The following ARHGAP20 variants were observed in gnomAD, a reference collection of about 807,000 sequenced individuals.
ARHGAP20 encodes the protein rho GTPase-activating protein 20.
ARHGAP20 carries 34 observed loss-of-function variants against 73.7 expected under a neutral mutation model. The observed-to-expected ratio is 0.46, with a 90% CI of 0.35 to 0.61. The LOEUF (loss-of-function observed/expected upper bound fraction) is 0.61. Ranked by LOEUF, ARHGAP20 falls within the 20% of genes least tolerant of loss-of-function variation. The pLI is 0.00. For synonymous variants in ARHGAP20, 523 were observed against 518.2 expected, an observed-to-expected ratio of 1.01 and a Z score of -0.13; for missense variants, 1,314 against 1,420.9, an observed-to-expected ratio of 0.92 and a Z score of 1.21.
At chr11:110,711,864 G>A in intron 1 of ARHGAP20, 2 of 1,317,102 alleles carry the variant, frequency 1.5e-6, no homozygotes. Context: ...GGCGGATGGA[G>A]ACGGGAGGGA....
rs1231766170 is a variant in ARHGAP20, at chr11:110,578,136, G to A, written c.*1234C>T. On this transcript the variant is annotated 3_prime_UTR_variant, in exon 15 of 15. Transcript: ENST00000683387. ...CGAGATGTACTGCTGCAACCTTTAA[G>A]TCAAGAAAGCAGAGAAAGAAAGGTC... 4.1e-6 allele frequency: 4 copies of A among 985,286 alleles called. No homozygotes were observed. Among genetic ancestry groups the A allele is most frequent in the Non-Finnish European group, 4.8e-6 (4 of 829,950 alleles). The allele number at this position is 985,286 out of a possible 1,614,324, so 61.0% of individuals were successfully genotyped here. A position where few individuals can be genotyped will look rare whatever the true frequency, so the allele number is the denominator to read the frequency against.
Position 110,585,306 on chromosome 11 carries a change from G to C in ARHGAP20, c.1415+910C>G, listed in dbSNP as rs191144554. Among the ~76,000 whole-genome samples, 294 of 151,384 alleles carry C rather than the reference G, an allele frequency of 1.9e-3. 2 individuals are homozygous for C. Among genetic ancestry groups the C allele is most frequent in the Non-Finnish European group, 2.8e-3 (189 of 67,606 alleles). On this transcript the variant is annotated intron_variant, in intron 12 of 14. Transcript: ENST00000683387. ...CTTTTTCCAAAAAAATCCTTTAACA[G>C]CTTATAGGATATATAGCAACACAGT...
chr11:110,604,702 C>G (rs1446332535), intron 9 of ARHGAP20, among the ~76,000 whole-genome samples: 1 of 152,016 alleles, frequency 6.6e-6, no homozygotes, highest in Non-Finnish European at 1.5e-5. Context: ...TTTTAGAGTC[C>G]AAAACCTCAA....
chr11:110,655,410 A>G (rs1949443624), intron 2 of ARHGAP20, among the ~76,000 whole-genome samples: 1 of 152,204 alleles, frequency 6.6e-6, no homozygotes, highest in South Asian at 2.1e-4. Context: ...AGGAAGCATG[A>G]GAGACCTATA....
intron 2 of ARHGAP20, among the ~76,000 whole-genome samples, chr11:110,685,607 T>G (rs1950118500): frequency 6.6e-6 from 1 of 152,182 alleles, no homozygotes; most frequent in South Asian, 2.1e-4. Context: ...ACTCATCAGT[T>G]AATTTAAATA....
At chr11:110,614,900 A>G (rs978338555) in intron 5 of ARHGAP20, among the ~76,000 whole-genome samples, 2 of 152,206 alleles carry the variant, frequency 1.3e-5, no homozygotes, top group African/African-American at 4.8e-5. Flanking sequence ...AAGCACAATC[A>G]GGTTAGGGCA....
chr11:110,666,498 CA>C (rs1475489664), intron 2 of ARHGAP20, among the ~76,000 whole-genome samples: 3 of 152,168 alleles, frequency 2.0e-5, no homozygotes, highest in Admixed American at 2.0e-4. Flanking sequence ...GCATGAAGAA[CA>C]GCACAGAATC....
At chr11:110,638,097 T>A (rs1405560933) in intron 2 of ARHGAP20, among the ~76,000 whole-genome samples, 2 of 151,910 alleles carry the variant, frequency 1.3e-5, no homozygotes, top group Non-Finnish European at 2.9e-5. Context: ...AATCTGAAAA[T>A]CCAAAATACA....
intron 4 of ARHGAP20, among the ~76,000 whole-genome samples, 170 bp downstream of exon 4, chr11:110,623,992 G>A (rs1486357059): frequency 6.6e-6 from 1 of 152,214 alleles, no homozygotes; most frequent in Admixed American, 6.5e-5. Context: ...AAGTATTTTG[G>A]TTGGGTGTAT....
intron 14 of ARHGAP20, 105 bp from the exon 15 acceptor site, chr11:110,581,330 C>A: frequency 8.4e-7 from 1 of 1,197,186 alleles, no homozygotes. Context: ...CAAATTCCTA[C>A]TCTCAAGAAA....
intron 9 of ARHGAP20, among the ~76,000 whole-genome samples, chr11:110,602,730 T>C (rs113502919): frequency 3.4e-4 from 52 of 152,264 alleles, no homozygotes; most frequent in African/African-American, 1.2e-3. Flanking sequence ...ATATCAATAG[T>C]AAACTAAAAA....
intron 12 of ARHGAP20, among the ~76,000 whole-genome samples, chr11:110,584,950 T>TGTG (rs1488822749): frequency 1.2e-4 from 10 of 86,244 alleles, no homozygotes; most frequent in African/African-American, 9.7e-5. Flanking sequence ...TATATGAATA[T>TGTG]ATGAATATAT....
intron 9 of ARHGAP20, among the ~76,000 whole-genome samples, chr11:110,601,212 G>A (rs1324721617): frequency 6.6e-6 from 1 of 152,130 alleles, no homozygotes; most frequent in Non-Finnish European, 1.5e-5. Context: ...TAAATATACA[G>A]GCCACAAACA....
chr11:110,626,939 A>G (rs1222214763), intron 3 of ARHGAP20, among the ~76,000 whole-genome samples: 1 of 152,090 alleles, frequency 6.6e-6, no homozygotes, highest in East Asian at 1.9e-4. Context: ...TCCACTTTCA[A>G]TTTCCATAGT....
chr11:110,681,468 A>C (rs1321971767), intron 2 of ARHGAP20, among the ~76,000 whole-genome samples: 1 of 152,114 alleles, frequency 6.6e-6, no homozygotes, highest in African/African-American at 2.4e-5. Context: ...TCCCATTACT[A>C]TATCTGAAAG....
chr11:110,690,959 G>A (rs1210567069), intron 1 of ARHGAP20: 1 of 1,486,330 alleles, frequency 6.7e-7, no homozygotes, highest in South Asian at 1.2e-5. Context: ...GCTAAAGGCT[G>A]GACATGGATT....
intron 3 of ARHGAP20, among the ~76,000 whole-genome samples, chr11:110,627,191 T>C (rs1205920497): frequency 2.0e-5 from 3 of 152,020 alleles, no homozygotes; most frequent in Non-Finnish European, 4.4e-5. Context: ...CAGGTTCAAG[T>C]GATTCTCGTG....
At chr11:110,608,509 A>C (rs1217229430) in intron 8 of ARHGAP20, among the ~76,000 whole-genome samples, 1 of 152,144 alleles carries the variant, frequency 6.6e-6, no homozygotes, top group Non-Finnish European at 1.5e-5. Flanking sequence ...GATTTTCTTC[A>C]TGATTCTTAG....
intron 1 of ARHGAP20, among the ~76,000 whole-genome samples, chr11:110,705,826 T>A (rs1026177850): frequency 6.6e-6 from 1 of 152,106 alleles, no homozygotes; most frequent in Admixed American, 6.5e-5. Flanking sequence ...TGAAATATAC[T>A]CTTCTGAGTT....
Sources: gnomAD v4.1 joint callset for allele counts (sites outside exome capture counted in the v4.1 genomes callset) on GRCh38, gnomAD v4.1.1 for gene constraint, MANE v1.5 for transcripts, NCBI Gene and HGNC (gene_info 2026-07-23, HGNC 2026-07-21) for gene names.